The following KDM2B variants were observed in gnomAD, a reference collection of about 807,000 sequenced individuals.
KDM2B encodes the protein lysine demethylase 2B.
In KDM2B, 26 loss-of-function variants were observed where a neutral mutation model predicts 150.0. The ratio of observed to expected loss-of-function variants is 0.17; its 90% CI spans 0.13 to 0.24. The LOEUF (loss-of-function observed/expected upper bound fraction) is 0.24, where lower values mean the gene tolerates loss of function less well. Ranked by LOEUF, KDM2B falls within the 10% of genes least tolerant of loss-of-function variation. KDM2B has a pLI of 1.00. For synonymous variants in KDM2B, 734 were observed against 729.5 expected, an observed-to-expected ratio of 1.01 and a Z score of -0.10; for missense variants, 1,265 against 1,816.9, an observed-to-expected ratio of 0.70 and a Z score of 5.52.
chr12:121,434,179 T>G (rs946305282), intron 22 of KDM2B, among the ~76,000 whole-genome samples: 3 of 151,614 alleles, frequency 2.0e-5, no homozygotes, highest in Non-Finnish European at 4.4e-5. Flanking sequence ...GCCCCGTCAT[T>G]CATTCATTCA....
chr12:121,557,492 A>G (rs1364117340), intron 4 of KDM2B, among the ~76,000 whole-genome samples: 8 of 152,064 alleles, frequency 5.3e-5, no homozygotes, highest in African/African-American at 1.9e-4. Context: ...CACCCACCTC[A>G]GCCTCCCAAA....
At chr12:121,505,988 G>C (rs1416413732) in intron 11 of KDM2B, among the ~76,000 whole-genome samples, 1 of 151,926 alleles carries the variant, frequency 6.6e-6, no homozygotes, top group African/African-American at 2.4e-5. Flanking sequence ...AGTCAGTCCT[G>C]GGTTCAAAAT....
At chr12:121,530,034 C>G (rs570306580) in intron 8 of KDM2B, among the ~76,000 whole-genome samples, 3 of 151,484 alleles carry the variant, frequency 2.0e-5, no homozygotes, top group South Asian at 4.2e-4. Context: ...CAAGACCATC[C>G]TGGCTAACAC....
At position 121,453,814 on chromosome 12, in the gene KDM2B, C is replaced by A. The variant is rs782045672; in HGVS notation, c.1735-470G>T. 6.6e-6 allele frequency among the ~76,000 whole-genome samples: 1 copy of A among 152,158 alleles called. No individual in the cohort carries two copies. Among genetic ancestry groups the A allele is most frequent in the African/African-American group, 2.4e-5 (1 of 41,428 alleles). On this transcript the variant is annotated intron_variant, in intron 12 of 22. Transcript: ENST00000377071. The surrounding 1 kb of genome is among the most constrained non-coding windows in gnomAD (Gnocchi z 6.4). ...TCCAGAACCGGGAGAGAAGAAAGGC[C>A]GGTTGTTTTAAGCCACCCGTTATGG...
rs1891720464 is a variant in KDM2B at position 121,578,932 on chromosome 12, G to A, written c.141C>T (p.Arg47=). The change falls in exon 2 of 23, where the codon CGC becomes CGT. Residue 47 remains arginine (R), a synonymous_variant. Coordinates refer to ENST00000377071, the MANE Select transcript of KDM2B (RefSeq NM_032590.5). ...AGTCCTCGTTCTCGTCGTATCGCTG[G>A]CGGTCAATCGGGCGCTGCGAGGACC... ...FESATQRPID[R]QRYDENEDLS... 1.2e-6 allele frequency: 2 copies of A among 1,612,340 alleles called. No homozygotes were observed. The highest frequency in any genetic ancestry group is 1.7e-6 in the Non-Finnish European group (2 of 1,179,448).
chr12:121,491,793 CA>C (rs111704010), intron 12 of KDM2B, among the ~76,000 whole-genome samples: 5,320 of 52,218 alleles, frequency 0.1, 242 homozygotes, highest in African/African-American at 0.27. Flanking sequence ...GATTCCATCT[CA>C]AAAAAAAAAA....
chr12:121,434,333 C>T (rs782589796), intron 22 of KDM2B, among the ~76,000 whole-genome samples: 16 of 151,242 alleles, frequency 1.1e-4, no homozygotes, highest in Non-Finnish European at 1.3e-4. Context: ...GTCAGGAGTT[C>T]GAGACCAGCC....
intron 4 of KDM2B, among the ~76,000 whole-genome samples, chr12:121,558,291 A>T (rs782126139): frequency 5.3e-5 from 8 of 151,762 alleles, no homozygotes; most frequent in Non-Finnish European, 2.9e-5. Context: ...TGAACTAAAG[A>T]CCTGACCTGG....
chr12:121,543,092 T>C (rs1445788417), intron 6 of KDM2B, among the ~76,000 whole-genome samples: 2 of 152,224 alleles, frequency 1.3e-5, no homozygotes, highest in African/African-American at 4.8e-5. Context: ...TCATGGGTCA[T>C]GCCTGTAATC....
At chr12:121,444,316 T>C in intron 15 of KDM2B, 44 bp from the exon 16 acceptor site, 1 of 1,609,648 alleles carries the variant, frequency 6.2e-7, no homozygotes, top group Non-Finnish European at 8.5e-7. Flanking sequence ...ACTGTATACC[T>C]TTGGACTTGC....
At chr12:121,437,630 G>A (rs1178198333) in intron 22 of KDM2B, among the ~76,000 whole-genome samples, 1 of 152,226 alleles carries the variant, frequency 6.6e-6, no homozygotes. Context: ...CTCAGGTAGT[G>A]AGGATGGGGT....
intron 11 of KDM2B, among the ~76,000 whole-genome samples, chr12:121,496,407 A>T (rs1250132345): frequency 1.3e-5 from 2 of 152,110 alleles, no homozygotes; most frequent in African/African-American, 4.8e-5. Flanking sequence ...AGACAAATGA[A>T]GGTGAAGATT....
chr12:121,440,763 C>T, intron 21 of KDM2B, 53 bp downstream of exon 21: 1 of 1,507,278 alleles, frequency 6.6e-7, no homozygotes. Context: ...GCAGATCCAA[C>T]AGTCTAGCTC....
chr12:121,563,344 C>T (rs1032320411), intron 4 of KDM2B, among the ~76,000 whole-genome samples: 4 of 152,064 alleles, frequency 2.6e-5, no homozygotes, highest in Admixed American at 6.6e-5. Context: ...CGATGGCTCA[C>T]GCCTGTAATC....
intron 11 of KDM2B, among the ~76,000 whole-genome samples, chr12:121,505,652 AG>A (rs1262576751): frequency 2.0e-5 from 3 of 152,156 alleles, no homozygotes; most frequent in Admixed American, 1.3e-4. Context: ...TCCAATCACC[AG>A]GGCACTAGTT....
At chr12:121,560,139 G>A (rs1890235639) in intron 4 of KDM2B, among the ~76,000 whole-genome samples, 2 of 152,078 alleles carry the variant, frequency 1.3e-5, no homozygotes, top group Non-Finnish European at 2.9e-5. Context: ...CAAGGAGGTT[G>A]GGACTATGGG....
rs1308494603 is a variant in KDM2B at position 121,509,489 on chromosome 12, T to C, written c.1647+78A>G. The C allele has an allele frequency of 9.0e-6, 14 of 1,552,482 alleles. No homozygotes were observed. The East Asian group carries it at 2.7e-4, about 30-fold the overall frequency. ...CAATCTGCACAGAGCCATCGTGAGC[T>C]GAGCTGCACGTGTCACACTGAACGG... On this transcript the variant is annotated intron_variant, in intron 11 of 22. Transcript: ENST00000377071.
rs1185125369 is a variant in KDM2B at position 121,443,495 on chromosome 12, G to A, written c.2565+185C>T. Reference sequence around the variant, plus strand: ...CTCACAGCTTCCATCCCAACCAACAGAGGCTCTAGGCACAGACAGCTTCCC... The same window carrying A: ...CTCACAGCTTCCATCCCAACCAACAAAGGCTCTAGGCACAGACAGCTTCCC... On this transcript the variant is annotated intron_variant, in intron 17 of 22. Coordinates refer to ENST00000377071, the MANE Select transcript of KDM2B (RefSeq NM_032590.5). 1.8e-5 allele frequency: 11 copies of A among 605,880 alleles called. No homozygotes were observed. The East Asian group carries it at 3.1e-4, about 17-fold the overall frequency. The allele number at this position is 605,880 out of a possible 1,614,324, so 37.5% of individuals were successfully genotyped here. A position where few individuals can be genotyped will look rare whatever the true frequency, so the allele number is the denominator to read the frequency against.
chr12:121,545,770 G>A (rs1555310589), intron 6 of KDM2B, among the ~76,000 whole-genome samples: 2 of 152,140 alleles, frequency 1.3e-5, no homozygotes, highest in South Asian at 2.1e-4. Context: ...AAATCTTGGA[G>A]AGGATTCCAG....
Sources: gnomAD v4.1 joint callset for allele counts (sites outside exome capture counted in the v4.1 genomes callset) on GRCh38, gnomAD v4.1.1 for gene constraint, Gnocchi (gnomAD v3.1) non-coding constraint, MANE v1.5 for transcripts, NCBI Gene and HGNC (gene_info 2026-07-23, HGNC 2026-07-21) for gene names.